Variants in GCA observed in about 807,000 individuals in gnomAD.
The protein encoded by GCA is grancalcin.
A neutral mutation model predicts 32.6 loss-of-function variants in GCA; 30 were observed. That is an observed-to-expected ratio of 0.92 (90% CI 0.69 to 1.25). The LOEUF is 1.25. Ranked by LOEUF, GCA falls within the 50% of genes most tolerant of loss-of-function variation. GCA has a pLI of 0.00. For synonymous variants in GCA, 102 were observed against 84.6 expected, an observed-to-expected ratio of 1.21 and a Z score of -1.13; for missense variants, 291 against 266.8, an observed-to-expected ratio of 1.09 and a Z score of -0.63.
chr2:162,371,284 A>G, intron 4 of GCA: 1 of 1,256,314 alleles, frequency 8.0e-7, no homozygotes, highest in Non-Finnish European at 1.0e-6. Flanking sequence ...TTACAACTCA[A>G]ACTTTGTATT....
chr2:162,358,949 A>C, intron 5 of GCA, 95 bp from the exon 6 acceptor site: 2 of 591,400 alleles, frequency 3.4e-6, no homozygotes, highest in South Asian at 4.6e-5. Flanking sequence ...TTGTGGAATG[A>C]ATTTTGAAAG....
chr2:162,358,034 C>A lies in GCA; in HGVS notation c.455-1010C>A, dbSNP rs372495777. Among the ~76,000 whole-genome samples the A allele has an allele frequency of 2.0e-5, 3 of 151,588 alleles. No individual in the cohort carries two copies. In the East Asian group the frequency reaches 5.8e-4, roughly 29 times the overall value. The stretch of plus-strand genomic sequence containing the variant: ...AGTTTGCATGTTTTACTGCTTCTTT[C>A]AATTTATACCTTTCCCACATTACAT... On this transcript the variant is annotated intron_variant, in intron 5 of 7. Transcript: ENST00000437150.
chr2:162,344,507 G>A (rs1344488021), intron 1 of GCA: 5 of 565,004 alleles, frequency 8.8e-6, no homozygotes, highest in East Asian at 8.6e-5. Flanking sequence ...GAGCGTCCTG[G>A]TGGAGCCGAG....
chr2:162,361,768 C>G lies in GCA; in HGVS notation c.*1525C>G. 1 of 984,080 alleles carries G rather than the reference C, an allele frequency of 1.0e-6. No homozygotes were observed. The highest frequency in any genetic ancestry group is 1.2e-6 in the Non-Finnish European group (1 of 828,954). 61.0% of individuals were successfully genotyped at this position (984,080 alleles called of 1,614,324 possible). On this transcript the variant is annotated 3_prime_UTR_variant, in exon 8 of 8. Coordinates refer to ENST00000437150, the MANE Select transcript of GCA (RefSeq NM_012198.5). ...ATTTGATAATGTGAGAGGACATTAA[C>G]TGAGCTGGGAAATTAAAGAAACAGA...
upstream of GCA, among the ~76,000 whole-genome samples, chr2:162,342,417 C>A (rs777429920): frequency 6.6e-6 from 1 of 152,196 alleles, no homozygotes; most frequent in South Asian, 2.1e-4. Context: ...CAAAGCACAA[C>A]AGGCACCATG....
At chr2:162,329,598 A>G (rs1490425671) in intron 1 of GCA, among the ~76,000 whole-genome samples, 1 of 151,292 alleles carries the variant, frequency 6.6e-6, no homozygotes, top group Non-Finnish European at 1.5e-5. Flanking sequence ...ATACCCATAT[A>G]TTTACTGGGG....
chr2:162,363,067 T>C lies in GCA; in HGVS notation c.*2824T>C, dbSNP rs1049616787. On this transcript the variant is annotated 3_prime_UTR_variant, in exon 8 of 8. Coordinates refer to ENST00000437150, the MANE Select transcript of GCA (RefSeq NM_012198.5). The stretch of plus-strand genomic sequence containing the variant: ...TAAAATATAAGACATTAAGTTTGCC[T>C]GTAATCTTATGGCATTACTAAACTG... Among the ~76,000 whole-genome samples the C allele has an allele frequency of 1.3e-5, 2 of 151,506 alleles. No homozygotes were observed. The highest frequency in any genetic ancestry group is 3.0e-5 in the Non-Finnish European group (2 of 67,590).
At chr2:162,340,886 T>C (rs971562926), upstream of GCA, among the ~76,000 whole-genome samples, 1 of 152,158 alleles carries the variant, frequency 6.6e-6, no homozygotes, top group Non-Finnish European at 1.5e-5. Flanking sequence ...TGCTCAAATC[T>C]TGCCTTTTCA....
chr2:162,320,741 A>C (rs1028839782), intron 1 of GCA, among the ~76,000 whole-genome samples: 4 of 152,232 alleles, frequency 2.6e-5, no homozygotes, highest in African/African-American at 9.6e-5. Flanking sequence ...GCACTGATCT[A>C]GGTGCAGTTA....
At chr2:162,344,358 C>T in intron 1 of GCA, 83 bp downstream of exon 1, 3 of 1,362,196 alleles carry the variant, frequency 2.2e-6, no homozygotes, top group South Asian at 1.2e-5. Context: ...CGGGTCCGCC[C>T]TTGGCTCCTG....
At chr2:162,319,271 C>T in intron 1 of GCA, 1 of 456,642 alleles carries the variant, frequency 2.2e-6, no homozygotes, top group Non-Finnish European at 4.4e-6. Flanking sequence ...ACTTTACTGC[C>T]TCATATTTAG....
intron 1 of GCA, among the ~76,000 whole-genome samples, chr2:162,331,080 G>A (rs1017877623): frequency 1.3e-5 from 2 of 152,136 alleles, no homozygotes; most frequent in African/African-American, 2.4e-5. Context: ...GTATTAGACC[G>A]CACTTCAGCA....
At chr2:162,347,228 G>GT (rs1368297557) in intron 1 of GCA, among the ~76,000 whole-genome samples, 1 of 152,034 alleles carries the variant, frequency 6.6e-6, no homozygotes, top group East Asian at 1.9e-4. Context: ...TTACTTCTTA[G>GT]TTTTACTTTA....
chr2:162,322,516 C>A (rs1683710828), intron 1 of GCA, among the ~76,000 whole-genome samples: 2 of 150,354 alleles, frequency 1.3e-5, no homozygotes, highest in South Asian at 4.2e-4. Context: ...ACTAACTCGT[C>A]ATCTAGCATT....
intron 3 of GCA, 50 bp downstream of exon 3, chr2:162,352,457 TCTTA>T: frequency 2.7e-6 from 3 of 1,126,138 alleles, no homozygotes; most frequent in African/African-American, 1.5e-5. Context: ...AAGTTTATTT[TCTTA>T]CTTTTTTTGT....
At chr2:162,351,992 A>G (rs1383677204) in intron 2 of GCA, among the ~76,000 whole-genome samples, 1 of 152,030 alleles carries the variant, frequency 6.6e-6, no homozygotes, top group Non-Finnish European at 1.5e-5. Context: ...ATGAGTGGGG[A>G]TGTTTTCGAG....
chr2:162,372,819 C>T (rs1476760451), downstream of GCA, among the ~76,000 whole-genome samples: 1 of 152,094 alleles, frequency 6.6e-6, no homozygotes, highest in Non-Finnish European at 1.5e-5. Flanking sequence ...GCAAGGAAAG[C>T]TAGACTACTT....
downstream of GCA, among the ~76,000 whole-genome samples, chr2:162,365,837 C>T (rs536331974): frequency 6.6e-6 from 1 of 151,702 alleles, no homozygotes; most frequent in South Asian, 2.1e-4. Context: ...GATGCCATAT[C>T]ATTTCAGTGC....
chr2:162,323,372 A>G (rs1320383369), intron 1 of GCA, among the ~76,000 whole-genome samples: 11 of 151,746 alleles, frequency 7.2e-5, no homozygotes, highest in East Asian at 1.9e-4. Flanking sequence ...TGTTCACTCT[A>G]ATGGTAGTTT....
Sources: gnomAD v4.1 joint callset for allele counts (sites outside exome capture counted in the v4.1 genomes callset) on GRCh38, gnomAD v4.1.1 for gene constraint, MANE v1.5 for transcripts, NCBI Gene and HGNC (gene_info 2026-07-23, HGNC 2026-07-21) for gene names.